ATE1: variants seen among roughly 807,000 people sequenced by gnomAD.
ATE1 encodes arginyltransferase 1.
In ATE1, 36 loss-of-function variants were observed where a neutral mutation model predicts 70.5. The observed-to-expected ratio is 0.51, with a 90% CI of 0.39 to 0.67. The LOEUF (loss-of-function observed/expected upper bound fraction) is 0.67, where lower values mean the gene tolerates loss of function less well. Among genes scored for constraint, ATE1 ranks in the 30% least tolerant of loss-of-function variants. ATE1 has a pLI of 0.00. For missense variants in ATE1, 593 were observed against 629.5 expected (o/e 0.94, Z 0.62); for synonymous variants, 232 against 219.3 (o/e 1.06, Z -0.51).
At position 121,776,618 on chromosome 10, in the gene ATE1, A is replaced by T. The variant is rs929841477; in HGVS notation, c.1378+13551T>A. Among the ~76,000 whole-genome samples, 9 of 152,370 alleles carry T rather than the reference A, an allele frequency of 5.9e-5. No individual in the cohort carries two copies. In the South Asian group the frequency reaches 1.7e-3, roughly 28 times the overall value. The stretch of plus-strand genomic sequence containing the variant: ...CATGAAATTCATGTAATGGGTTGTG[A>T]CCAGCATTTCTTTAAAAAATTAAAA... On this transcript the variant is annotated intron_variant, in intron 11 of 11. Coordinates refer to ENST00000224652, the MANE Select transcript of ATE1 (RefSeq NM_001001976.3).
intron 11 of ATE1, chr10:121,782,421 C>T (rs1244499328): frequency 6.6e-6 from 1 of 152,080 alleles, no homozygotes; most frequent in Non-Finnish European, 1.5e-5. Context: ...ATCTTTTGCC[C>T]CCTTCTATAT....
At chr10:121,783,118 T>C (rs1946065156) in intron 11 of ATE1, among the ~76,000 whole-genome samples, 1 of 152,220 alleles carries the variant, frequency 6.6e-6, no homozygotes, top group Non-Finnish European at 1.5e-5. Flanking sequence ...CATACCTATG[T>C]TTTTTACTTT....
chr10:121,829,781 A>G (rs1192268370), intron 10 of ATE1, among the ~76,000 whole-genome samples: 2 of 152,216 alleles, frequency 1.3e-5, no homozygotes, highest in African/African-American at 4.8e-5. Context: ...ATTCTTTAAT[A>G]CCAGATAGAA....
intron 11 of ATE1, among the ~76,000 whole-genome samples, chr10:121,777,357 T>A (rs1280578192): frequency 6.6e-6 from 1 of 152,210 alleles, no homozygotes; most frequent in African/African-American, 2.4e-5. Context: ...ATGAGCAATA[T>A]CTAAAATTCA....
intron 5 of ATE1, among the ~76,000 whole-genome samples, chr10:121,903,846 T>G (rs1459389104): frequency 1.3e-5 from 2 of 151,924 alleles, no homozygotes; most frequent in African/African-American, 2.4e-5. Context: ...ATAAAAAAAT[T>G]TTTACTATTA....
At chr10:121,903,430 G>A (rs1951064995) in intron 5 of ATE1, among the ~76,000 whole-genome samples, 1 of 152,108 alleles carries the variant, frequency 6.6e-6, no homozygotes, top group East Asian at 1.9e-4. Flanking sequence ...TGTGCACCTG[G>A]AATTCTAGCA....
In ATE1 at chr10:121,898,882, C is replaced by A. The variant is rs200954640; in HGVS notation, c.942+984G>T. 1.9e-6 allele frequency: 3 copies of A among 1,613,926 alleles called. No individual in the cohort carries two copies. The East Asian group carries it at 6.7e-5, about 36-fold the overall frequency. On this transcript the variant is annotated intron_variant, in intron 7 of 11. Coordinates refer to ENST00000224652, the MANE Select transcript of ATE1 (RefSeq NM_001001976.3). The stretch of plus-strand genomic sequence containing the variant: ...TCATCGGGTGGATCCTGGTGTATGG[C>A]CACTTGATACTTGACATACAAAGAA...
At chr10:121,836,378 G>A (rs946778279) in intron 10 of ATE1, among the ~76,000 whole-genome samples, 12 of 152,118 alleles carry the variant, frequency 7.9e-5, no homozygotes, top group Non-Finnish European at 1.6e-4. Flanking sequence ...GGAAGGCGGT[G>A]GGTCTGCTCC....
intron 11 of ATE1, among the ~76,000 whole-genome samples, chr10:121,769,224 A>G (rs1279733747): frequency 3.3e-5 from 5 of 152,190 alleles, no homozygotes; most frequent in Non-Finnish European, 5.9e-5. Context: ...GAGAATAAAC[A>G]AACCATAATA....
chr10:121,927,693 C>G, intron 1 of ATE1, 151 bp downstream of exon 1: 1 of 1,326,478 alleles, frequency 7.5e-7, no homozygotes, highest in Non-Finnish European at 9.7e-7. Context: ...CCCGCTAAGC[C>G]GGCGCCGCGG....
intron 11 of ATE1, among the ~76,000 whole-genome samples, chr10:121,786,153 CA>C (rs1390226284): frequency 2.8e-5 from 4 of 145,166 alleles, no homozygotes; most frequent in Non-Finnish European, 6.0e-5. Flanking sequence ...AACTGAGTAA[CA>C]GGGGGAATCA....
At chr10:121,766,611 G>A (rs957224985) in intron 11 of ATE1, among the ~76,000 whole-genome samples, 1 of 151,900 alleles carries the variant, frequency 6.6e-6, no homozygotes, top group Admixed American at 6.6e-5. Flanking sequence ...AAAAATCCCC[G>A]AAATTTGGGG....
chr10:121,899,046 A>AAG (rs1950879810), intron 7 of ATE1: 1 of 1,518,056 alleles, frequency 6.6e-7, no homozygotes, highest in African/African-American at 1.4e-5. Flanking sequence ...AGGCTACAGT[A>AAG]AGATCTCCAC....
chr10:121,841,524 CA>C (rs1326876733), intron 8 of ATE1, among the ~76,000 whole-genome samples: 1 of 152,126 alleles, frequency 6.6e-6, no homozygotes, highest in Non-Finnish European at 1.5e-5. Flanking sequence ...GGAAATACAG[CA>C]TTTTACAGGA....
At chr10:121,800,469 A>G (rs763575409) in intron 10 of ATE1, among the ~76,000 whole-genome samples, 13 of 152,234 alleles carry the variant, frequency 8.5e-5, no homozygotes, top group Non-Finnish European at 1.8e-4. Context: ...CCTGCACCAA[A>G]GATCTTTATG....
At chr10:121,815,982 G>C in intron 10 of ATE1, among the ~76,000 whole-genome samples, 1 of 152,096 alleles carries the variant, frequency 6.6e-6, no homozygotes, top group Non-Finnish European at 1.5e-5. Context: ...TCCAGATACT[G>C]GGAAAAGAGG....
intron 4 of ATE1, among the ~76,000 whole-genome samples, chr10:121,912,896 G>A (rs529533615): frequency 8.3e-6 from 1 of 120,606 alleles, no homozygotes; most frequent in East Asian, 2.8e-4. Context: ...CACGAAGCTC[G>A]GCCAATTTTT....
At chr10:121,823,451 G>T (rs1468919121) in intron 10 of ATE1, among the ~76,000 whole-genome samples, 2 of 152,174 alleles carry the variant, frequency 1.3e-5, no homozygotes, top group Non-Finnish European at 2.9e-5. Flanking sequence ...CATGAACTTG[G>T]TCTGGAAAAG....
At chr10:121,832,629 C>T (rs1948284601) in intron 10 of ATE1, among the ~76,000 whole-genome samples, 1 of 152,146 alleles carries the variant, frequency 6.6e-6, no homozygotes, top group Non-Finnish European at 1.5e-5. Context: ...TTTCTCTTGC[C>T]ACCGCCACGT....
Sources: gnomAD v4.1 joint callset for allele counts (sites outside exome capture counted in the v4.1 genomes callset) on GRCh38, gnomAD v4.1.1 for gene constraint, MANE v1.5 for transcripts, NCBI Gene and HGNC (gene_info 2026-07-23, HGNC 2026-07-21) for gene names.